PCDHA2: variants seen among roughly 807,000 people sequenced by gnomAD.
The protein encoded by PCDHA2 is protocadherin alpha-2.
A neutral mutation model predicts 66.0 loss-of-function variants in PCDHA2; 58 were observed. That is an observed-to-expected ratio of 0.88 (90% CI 0.71 to 1.09). The LOEUF (loss-of-function observed/expected upper bound fraction) is 1.09. Among genes scored for constraint, PCDHA2 ranks in the 50% least tolerant of loss-of-function variants. PCDHA2 has a pLI of 0.00. For synonymous variants in PCDHA2, 634 were observed against 554.0 expected (o/e 1.14, Z -2.03); for missense variants, 1,267 against 1,242.3 (o/e 1.02, Z -0.30).
At chr5:140,961,558 A>T (rs1285175060) in intron 1 of PCDHA2, among the ~76,000 whole-genome samples, 1 of 151,976 alleles carries the variant, frequency 6.6e-6, no homozygotes, top group Admixed American at 6.6e-5. Context: ...TTCTTTTTTT[A>T]AATTTTGTTT....
intron 1 of PCDHA2, among the ~76,000 whole-genome samples, chr5:140,954,496 T>G (rs571286912): frequency 2.3e-4 from 35 of 152,256 alleles, no homozygotes; most frequent in Non-Finnish European, 2.8e-4. Context: ...CATTGTGGTT[T>G]TGATTTGCAT....
At chr5:140,836,375 C>A (rs373878309) in intron 1 of PCDHA2, 4 of 1,613,712 alleles carry the variant, frequency 2.5e-6, no homozygotes, top group South Asian at 1.1e-5. Context: ...CCACAGCCAC[C>A]GTGCTGGTGT....
rs2150346065 is a variant in PCDHA2, at chr5:140,842,843, A to G, written c.2388+45491A>G. On this transcript the variant is annotated intron_variant, in intron 1 of 3. Coordinates refer to ENST00000526136, the MANE Select transcript of PCDHA2 (RefSeq NM_018905.3). ...GGGCGAGCGCTCGCTGTCGAGCTAC[A>G]TTTCGGTGCACACGGAGAGCGGCAA... 1.1e-5 allele frequency: 17 copies of G among 1,593,618 alleles called. 1 individual carries two copies. The South Asian group carries it at 1.8e-4, about 17-fold the overall frequency.
chr5:140,994,608 G>A (rs1231327885), intron 3 of PCDHA2, among the ~76,000 whole-genome samples: 1 of 152,098 alleles, frequency 6.6e-6, no homozygotes, highest in African/African-American at 2.4e-5. Context: ...GGGAGGCTGA[G>A]GCACGAGAGT....
chr5:140,927,078 C>T, intron 1 of PCDHA2: 1 of 1,611,014 alleles, frequency 6.2e-7, no homozygotes, highest in Non-Finnish European at 8.5e-7. Context: ...CCAGCCACCG[C>T]GAGCTCTACT....
intron 1 of PCDHA2, among the ~76,000 whole-genome samples, chr5:140,918,402 T>C (rs906018367): frequency 1.3e-5 from 2 of 152,212 alleles, no homozygotes; most frequent in African/African-American, 4.8e-5. Flanking sequence ...GCCTGATTTC[T>C]CTGGCCAGGA....
intron 3 of PCDHA2, among the ~76,000 whole-genome samples, chr5:140,993,514 A>T (rs1239398977): frequency 6.6e-6 from 1 of 150,498 alleles, no homozygotes; most frequent in East Asian, 1.9e-4. Flanking sequence ...ACACACGGGG[A>T]GAGAGAGACA....
intron 2 of PCDHA2, 26 bp downstream of exon 2, chr5:140,979,033 C>G: frequency 6.2e-7 from 1 of 1,613,044 alleles, no homozygotes; most frequent in Admixed American, 1.7e-5. Flanking sequence ...CTCATTCACT[C>G]AGAAGTAACC....
intron 1 of PCDHA2, chr5:140,829,633 C>A (rs2150171789): frequency 1.7e-5 from 27 of 1,612,154 alleles, no homozygotes; most frequent in South Asian, 1.1e-5. Context: ...ACGCGGAGAG[C>A]GGCAAGGTGT....
Position 141,009,779 on chromosome 5 carries a change from A to G in PCDHA2, c.2689A>G (p.Ile897Val), listed in dbSNP as rs1289763016. 3.7e-6 allele frequency: 6 copies of G among 1,613,952 alleles called. No individual in the cohort carries two copies. Among genetic ancestry groups the G allele is most frequent in the Non-Finnish European group, 5.1e-6 (6 of 1,180,030 alleles). ...CCCAGGATCTCCTGCAATCATCTCCATCCGGCAGGAGCCTACTAACAGCCA... is the reference window on the plus strand; with the variant it reads ...CCCAGGATCTCCTGCAATCATCTCCGTCCGGCAGGAGCCTACTAACAGCCA... ...IIPGSPAIIS[I>V]RQEPTNSQID... The change falls in exon 4 of 4, where the codon ATC becomes GTC. Residue 897 changes from isoleucine to valine, a missense_variant. Coordinates refer to ENST00000526136, the MANE Select transcript of PCDHA2 (RefSeq NM_018905.3).
In PCDHA2 at chr5:140,796,644, C is replaced by A; in HGVS notation, c.1680C>A (p.Asp560Glu). The change falls in exon 1 of 4, where the codon GAC becomes GAA. Residue 560 changes from aspartate (D) to glutamate (E), a missense_variant. Transcript: ENST00000526136. ...AGGTGTTCGTGCTGGACGAGAACGA[C>A]AACGCGCCGGCACTGTTGGCGCCTA... ...TLQVFVLDEN[D>E]NAPALLAPRA... 6.2e-7 allele frequency: 1 copy of A among 1,613,836 alleles called. No individual in the cohort carries two copies. The highest frequency in any genetic ancestry group is 8.5e-7 in the Non-Finnish European group (1 of 1,179,878).
chr5:140,910,514 T>C (rs1246361505), intron 1 of PCDHA2, among the ~76,000 whole-genome samples: 1 of 152,218 alleles, frequency 6.6e-6, no homozygotes, highest in African/African-American at 2.4e-5. Flanking sequence ...TCTTCAAGGA[T>C]GCAGGTACTC....
Position 140,913,941 on chromosome 5 carries a change from C to T in PCDHA2, c.2389-65008C>T, listed in dbSNP as rs950871389. ...TACTTCATTGTGGTCAGAGAAGAAT[C>T]TTGATATGATATCATTTTTAAAAAA... On this transcript the variant is annotated intron_variant, in intron 1 of 3. Transcript: ENST00000526136. Among the ~76,000 whole-genome samples, 3 of 152,102 alleles carry T rather than the reference C, an allele frequency of 2.0e-5. No homozygotes were observed. In the East Asian group the frequency reaches 5.8e-4, roughly 29 times the overall value.
At chr5:140,967,150 C>G (rs1400431511) in intron 1 of PCDHA2, 1 of 1,610,886 alleles carries the variant, frequency 6.2e-7, no homozygotes, top group African/African-American at 1.3e-5. Context: ...CGCACAACCC[C>G]GTGGCGGTGA....
intron 1 of PCDHA2, among the ~76,000 whole-genome samples, chr5:140,948,744 C>A (rs868917864): frequency 3.3e-5 from 5 of 151,312 alleles, no homozygotes; most frequent in South Asian, 2.1e-4. Flanking sequence ...GAGAATTTAT[C>A]AATTTTGCTG....
chr5:140,876,306 C>A (rs2056271023), intron 1 of PCDHA2: 1 of 1,613,986 alleles, frequency 6.2e-7, no homozygotes, highest in Non-Finnish European at 8.5e-7. Context: ...GAGAAATTTC[C>A]TATGGGATCA....
chr5:140,821,848 G>A (rs2150111173), intron 1 of PCDHA2: 1 of 1,614,192 alleles, frequency 6.2e-7, no homozygotes, highest in South Asian at 1.1e-5. Context: ...CTACTGGAAG[G>A]CAGGGAGCGG....
At chr5:140,962,350 C>A (rs78940637) in intron 1 of PCDHA2, among the ~76,000 whole-genome samples, 3,557 of 152,264 alleles carry the variant, frequency 0.023, 46 homozygotes, top group Middle Eastern at 0.034. Context: ...TAAAACTCCC[C>A]CCAATACTGG....
chr5:140,876,618 T>C (rs781928314), intron 1 of PCDHA2: 7 of 1,614,074 alleles, frequency 4.3e-6, no homozygotes, highest in African/African-American at 1.3e-5. Flanking sequence ...CTGGAGCCAA[T>C]GGACAGGTCA....
Sources: gnomAD v4.1 joint callset for allele counts (sites outside exome capture counted in the v4.1 genomes callset) on GRCh38, gnomAD v4.1.1 for gene constraint, MANE v1.5 for transcripts, NCBI Gene and HGNC (gene_info 2026-07-23, HGNC 2026-07-21) for gene names.